The following ASTN1 variants were observed in gnomAD, a reference collection of about 807,000 sequenced individuals.
ASTN1 encodes the protein astrotactin-1.
In ASTN1, 41 loss-of-function variants were observed where a neutral mutation model predicts 140.7. The observed-to-expected ratio is 0.29, with a 90% confidence interval of 0.23 to 0.38. ASTN1 has a LOEUF of 0.38. ASTN1 is among the 10% of genes least tolerant of loss of function. ASTN1 has a pLI of 1.00. For missense variants in ASTN1, 1,479 were observed against 1,678.8 expected (o/e 0.88, Z 2.08); for synonymous variants, 640 against 652.2 (o/e 0.98, Z 0.29).
chr1:177,051,122 G>A (rs1440762582), intron 2 of ASTN1, among the ~76,000 whole-genome samples: 1 of 152,232 alleles, frequency 6.6e-6, no homozygotes, highest in East Asian at 1.9e-4. Flanking sequence ...AATACCACAT[G>A]TCTTGAATTT....
At chr1:177,128,845 C>T (rs958511082) in intron 1 of ASTN1, among the ~76,000 whole-genome samples, 6 of 152,164 alleles carry the variant, frequency 3.9e-5, no homozygotes, top group African/African-American at 1.4e-4. Context: ...GAGGAGATAG[C>T]AATCACTTAT....
In ASTN1 at chr1:176,896,256, T is replaced by C. The variant is rs530338486; in HGVS notation, c.2672-1426A>G. 1.4e-4 allele frequency among the ~76,000 whole-genome samples: 21 copies of C among 152,334 alleles called. No individual in the cohort carries two copies. The South Asian group carries it at 3.7e-3, about 27-fold the overall frequency. On this transcript the variant is annotated intron_variant, in intron 16 of 22. Coordinates refer to ENST00000361833, the MANE Select transcript of ASTN1 (RefSeq NM_004319.3). ...ACTCTATGACTATAAATATGGCATA[T>C]AATTCATCGCATACTTGCATTTTGT... is the stretch of plus-strand genomic sequence containing the variant.
rs748764389 is a variant in ASTN1 at position 176,872,208 on chromosome 1, TA to T, written c.3464-3182del. Among the ~76,000 whole-genome samples the T allele has an allele frequency of 2.3e-3, 346 of 147,356 alleles. 3 individuals carry two copies. Among genetic ancestry groups the T allele is most frequent in the East Asian group, 7.8e-3 (39 of 5,008 alleles). On this transcript the variant is annotated intron_variant, in intron 21 of 22. Coordinates refer to ENST00000361833, the MANE Select transcript of ASTN1 (RefSeq NM_004319.3). ...AAATGTCAAACCTTTTTTTTTTTTTTAAAAAAAAGCACAATGTTTGGACATA... is the reference window on the plus strand; with the variant it reads ...AAATGTCAAACCTTTTTTTTTTTTTTAAAAAAAGCACAATGTTTGGACATA...
chr1:176,986,548 A>G (rs1673915200), intron 8 of ASTN1, among the ~76,000 whole-genome samples: 1 of 152,062 alleles, frequency 6.6e-6, no homozygotes, highest in Non-Finnish European at 1.5e-5. Context: ...CAAAATGTCT[A>G]TTTTTTACTA....
At chr1:176,859,993 G>A (rs1338934192), downstream of ASTN1, among the ~76,000 whole-genome samples, 1 of 152,196 alleles carries the variant, frequency 6.6e-6, no homozygotes, top group East Asian at 1.9e-4. Context: ...CACCTGTTTG[G>A]TTCTTTGGCA....
At chr1:176,881,183 G>C (rs959332103) in intron 20 of ASTN1, among the ~76,000 whole-genome samples, 1 of 152,166 alleles carries the variant, frequency 6.6e-6, no homozygotes, top group Admixed American at 6.6e-5. Context: ...AGCGCCACCT[G>C]GTGGAGATTT....
intron 16 of ASTN1, among the ~76,000 whole-genome samples, chr1:176,912,929 C>T (rs1419394187): frequency 2.0e-5 from 3 of 151,988 alleles, no homozygotes; most frequent in African/African-American, 7.3e-5. Context: ...TATAATATTC[C>T]CCCATATTTG....
chr1:177,069,542 G>C (rs1398667015), intron 1 of ASTN1, among the ~76,000 whole-genome samples: 1 of 152,162 alleles, frequency 6.6e-6, no homozygotes, highest in Non-Finnish European at 1.5e-5. Context: ...AATCAGTCTT[G>C]ATGGAAAGCA....
chr1:176,926,300 A>G (rs1670969651), intron 16 of ASTN1, among the ~76,000 whole-genome samples: 1 of 152,330 alleles, frequency 6.6e-6, no homozygotes, highest in South Asian at 2.1e-4. Flanking sequence ...AAAAAAAAAA[A>G]AAAAAGGTAG....
rs763391667 is a variant in ASTN1, at chr1:176,957,704, G to A, written c.1861C>T (p.Arg621Cys). 7.4e-6 allele frequency: 12 copies of A among 1,614,048 alleles called. No individual in the cohort carries two copies. The highest frequency in any genetic ancestry group is 9.3e-6 in the Non-Finnish European group (11 of 1,179,976). ...CSKNFRCISD[R>C]KLDSTGCVCP... The stretch of plus-strand genomic sequence containing the variant: ...ACGCAACCAGTGGAGTCCAGCTTGC[G>A]ATCTGAAATACAGCGGAAATTCTTA... Residue 621 changes from arginine (R) to cysteine (C), a missense_variant, in exon 11 of 23, where the codon CGC (arginine) becomes TGC (cysteine). By Grantham distance (180) the Arg-to-Cys change is radical. This residue lies in a region of ASTN1 where 729 missense variants were observed against 860.4 expected (regional missense o/e 0.85). Coordinates refer to ENST00000361833, the MANE Select transcript of ASTN1 (RefSeq NM_004319.3).
intron 1 of ASTN1, among the ~76,000 whole-genome samples, chr1:177,118,894 G>A (rs1029960780): frequency 1.3e-5 from 2 of 152,168 alleles, no homozygotes; most frequent in East Asian, 3.9e-4. Context: ...CTTACTGGGT[G>A]GGAGGCCTTG....
At chr1:176,968,259 A>G (rs1320933374) in intron 8 of ASTN1, among the ~76,000 whole-genome samples, 1 of 152,252 alleles carries the variant, frequency 6.6e-6, no homozygotes, top group Non-Finnish European at 1.5e-5. Flanking sequence ...CACACATAGA[A>G]TCATTTGTTA....
Position 177,108,333 on chromosome 1 carries a change from G to T in ASTN1, c.284-47068C>A, listed in dbSNP as rs533567638. ...CACTACACTCTAGCCTGGTGACAGAGCAAGACTCCGTCTCAAAAAAAAAAA... is the reference window on the plus strand; with the variant it reads ...CACTACACTCTAGCCTGGTGACAGATCAAGACTCCGTCTCAAAAAAAAAAA... On this transcript the variant is annotated intron_variant, in intron 1 of 22. Transcript: ENST00000361833. 2.4e-5 allele frequency among the ~76,000 whole-genome samples: 3 copies of T among 122,904 alleles called. No individual in the cohort carries two copies. The South Asian group carries it at 8.1e-4, about 33-fold the overall frequency. 80.6% of individuals were successfully genotyped at this position (122,904 alleles called of 152,430 possible).
At chr1:176,991,435 CCAAAAAAAAAAAA>C (rs1674163388) in intron 8 of ASTN1, among the ~76,000 whole-genome samples, 1 of 5,698 alleles carries the variant, frequency 1.8e-4, no homozygotes, top group East Asian at 5.2e-3. Context: ...AAAAAAAAAA[CCAAAAAAAAAAAA>C]AAAAAAAAAA....
At chr1:177,008,864 G>A (rs1675141825) in intron 8 of ASTN1, among the ~76,000 whole-genome samples, 1 of 152,166 alleles carries the variant, frequency 6.6e-6, no homozygotes, top group South Asian at 2.1e-4. Flanking sequence ...GGCACCCAGA[G>A]ATAAAGAAAC....
chr1:176,926,965 C>G (rs904611189), intron 16 of ASTN1, among the ~76,000 whole-genome samples: 1 of 152,202 alleles, frequency 6.6e-6, no homozygotes, highest in Non-Finnish European at 1.5e-5. Context: ...AAGCAGAGGT[C>G]TGTTTACTAT....
chr1:176,889,597 C>T (rs1187332264), intron 17 of ASTN1, among the ~76,000 whole-genome samples: 2 of 152,188 alleles, frequency 1.3e-5, no homozygotes, highest in East Asian at 3.8e-4. Flanking sequence ...ACATTGGCCA[C>T]CTTAGGTTAG....
chr1:177,052,298 T>C (rs1677579047), intron 2 of ASTN1, among the ~76,000 whole-genome samples: 1 of 152,168 alleles, frequency 6.6e-6, no homozygotes, highest in South Asian at 2.1e-4. Flanking sequence ...TACAGGCAGC[T>C]TGCATGGCCC....
intron 8 of ASTN1, among the ~76,000 whole-genome samples, chr1:176,989,436 A>G (rs1385997345): frequency 6.6e-6 from 1 of 152,252 alleles, no homozygotes; most frequent in Non-Finnish European, 1.5e-5. Context: ...CTGCAGAGGT[A>G]CAATGGCCTA....
Sources: allele counts gnomAD v4.1 joint callset (sites outside exome capture counted in the v4.1 genomes callset), GRCh38; gene constraint gnomAD v4.1.1; regional missense constraint gnomAD v4.1.1; transcripts MANE v1.5; gene names NCBI Gene and HGNC (gene_info 2026-07-23, HGNC 2026-07-21).